The following SLC23A2 variants were observed in gnomAD, a reference collection of about 807,000 sequenced individuals.
SLC23A2 encodes the protein Na(+)/L-ascorbic acid transporter 2.
Under a neutral mutation model 73.3 loss-of-function variants are expected in SLC23A2, and 36 were observed. The ratio of observed to expected loss-of-function variants is 0.49; its 90% CI spans 0.38 to 0.65. SLC23A2 has a LOEUF of 0.65. Among genes scored for constraint, SLC23A2 ranks in the 30% least tolerant of loss-of-function variants. The probability of loss-of-function intolerance (pLI) is 0.00; values close to 1 mark genes in which losing one functional copy is unlikely to be tolerated. For synonymous variants in SLC23A2, 343 were observed against 327.3 expected, an observed-to-expected ratio of 1.05 and a Z score of -0.52; for missense variants, 507 against 841.6, an observed-to-expected ratio of 0.60 and a Z score of 4.92.
chr20:4,885,112 G>T (rs570989987), intron 7 of SLC23A2, among the ~76,000 whole-genome samples: 1 of 152,276 alleles, frequency 6.6e-6, no homozygotes, highest in East Asian at 1.9e-4. Context: ...ACCAACCTTT[G>T]CACACAGCTC....
At chr20:4,946,921 G>T (rs906838878) in intron 2 of SLC23A2, among the ~76,000 whole-genome samples, 1 of 152,170 alleles carries the variant, frequency 6.6e-6, no homozygotes, top group African/African-American at 2.4e-5. Flanking sequence ...AGATGCTACA[G>T]CGCCTACTGT....
chr20:4,914,606 C>A (rs758191091), intron 3 of SLC23A2, among the ~76,000 whole-genome samples: 9 of 151,880 alleles, frequency 5.9e-5, no homozygotes, highest in Non-Finnish European at 1.2e-4. Flanking sequence ...CTAGAAATAT[C>A]CATGCAGGTA....
intron 1 of SLC23A2, among the ~76,000 whole-genome samples, chr20:4,981,037 C>T (rs1455576259): frequency 6.6e-6 from 1 of 152,192 alleles, no homozygotes; most frequent in Admixed American, 6.5e-5. Context: ...TTAGTGGTCT[C>T]TATATGACAG....
At chr20:4,988,063 C>T (rs1040790388) in intron 1 of SLC23A2, among the ~76,000 whole-genome samples, 13 of 151,314 alleles carry the variant, frequency 8.6e-5, no homozygotes, top group Admixed American at 2.0e-4. Flanking sequence ...CTTTGGGAGG[C>T]CAAGGCAGAC....
intron 13 of SLC23A2, among the ~76,000 whole-genome samples, chr20:4,865,694 A>G (rs112592593): frequency 2.2e-3 from 334 of 152,156 alleles, no homozygotes; most frequent in Non-Finnish European, 3.6e-3. Context: ...GGGAACCTTG[A>G]ATTAGTTCCA....
chr20:5,002,383 T>C (rs2080948208), upstream of SLC23A2, among the ~76,000 whole-genome samples: 1 of 152,226 alleles, frequency 6.6e-6, no homozygotes, highest in South Asian at 2.1e-4. Flanking sequence ...TGCTGAAATC[T>C]GAATACAATT....
intron 2 of SLC23A2, 69 bp from the exon 3 acceptor site, chr20:4,932,785 T>C: frequency 2.1e-6 from 1 of 478,820 alleles, no homozygotes; most frequent in Admixed American, 3.7e-5. Context: ...AGTCACTGAG[T>C]TTCTTGCACA....
chr20:4,887,305 A>C (rs755091639), intron 6 of SLC23A2, among the ~76,000 whole-genome samples: 22 of 152,162 alleles, frequency 1.4e-4, no homozygotes, highest in Admixed American at 2.0e-4. Context: ...ATAAGCACAA[A>C]TTTTCAGGAC....
At chr20:4,875,153 TC>T in intron 9 of SLC23A2, among the ~76,000 whole-genome samples, 1 of 152,360 alleles carries the variant, frequency 6.6e-6, no homozygotes. Context: ...TCCAAAATTC[TC>T]CCAGGGATTC....
chr20:4,944,101 A>G (rs1416300298), intron 2 of SLC23A2, among the ~76,000 whole-genome samples: 1 of 152,238 alleles, frequency 6.6e-6, no homozygotes, highest in African/African-American at 2.4e-5. Context: ...CACTTGCTCT[A>G]TGTAAACACT....
intron 1 of SLC23A2, among the ~76,000 whole-genome samples, chr20:4,992,410 C>A (rs1249552637): frequency 6.6e-6 from 1 of 150,778 alleles, no homozygotes; most frequent in Admixed American, 6.6e-5. Flanking sequence ...CTAATTATAG[C>A]CAATTTTTTT....
At chr20:4,866,053 G>A (rs1369971688) in intron 13 of SLC23A2, among the ~76,000 whole-genome samples, 2 of 152,058 alleles carry the variant, frequency 1.3e-5, no homozygotes, top group Non-Finnish European at 2.9e-5. Flanking sequence ...GGCTGGTCTC[G>A]AACTCCTGAC....
intron 2 of SLC23A2, among the ~76,000 whole-genome samples, chr20:4,953,867 CGACA>C (rs1164615146): frequency 6.6e-6 from 1 of 151,830 alleles, no homozygotes; most frequent in Non-Finnish European, 1.5e-5. Context: ...CCAGCCTCAG[CGACA>C]GACAGAGACT....
intron 3 of SLC23A2, among the ~76,000 whole-genome samples, chr20:4,923,136 G>A (rs1287446157): frequency 6.6e-6 from 1 of 151,788 alleles, no homozygotes; most frequent in Non-Finnish European, 1.5e-5. Context: ...ACTGGGTGTG[G>A]TGGCTTATGC....
chr20:4,953,073 C>G (rs967853251), intron 2 of SLC23A2, among the ~76,000 whole-genome samples: 2 of 151,380 alleles, frequency 1.3e-5, no homozygotes, highest in Non-Finnish European at 2.9e-5. Flanking sequence ...TTTGGGAGGC[C>G]GAGGCAGGCG....
chr20:4,904,203 T>A (rs1289770377), intron 4 of SLC23A2, among the ~76,000 whole-genome samples: 4 of 152,164 alleles, frequency 2.6e-5, no homozygotes, highest in Non-Finnish European at 4.4e-5. Context: ...TGGTGAGTAA[T>A]TAAAGTTAGC....
At chr20:4,864,436 C>T (rs1930112929) in intron 13 of SLC23A2, among the ~76,000 whole-genome samples, 1 of 152,110 alleles carries the variant, frequency 6.6e-6, no homozygotes, top group Non-Finnish European at 1.5e-5. Context: ...CAGTCACTGT[C>T]TCACTGTCCC....
At chr20:4,944,825 T>TAAATCCAAAA (rs1323761262) in intron 2 of SLC23A2, among the ~76,000 whole-genome samples, 2 of 152,204 alleles carry the variant, frequency 1.3e-5, no homozygotes, top group African/African-American at 4.8e-5. Flanking sequence ...CATGGCTCTT[T>TAAATCCAAAA]GCTTAAATCC....
At chr20:4,972,627 G>A (rs932752634) in intron 1 of SLC23A2, among the ~76,000 whole-genome samples, 1 of 151,792 alleles carries the variant, frequency 6.6e-6, no homozygotes, top group Non-Finnish European at 1.5e-5. Flanking sequence ...CGCTCTATCA[G>A]CCAGGCTGGA....
Sources: gnomAD v4.1 joint callset for allele counts (sites outside exome capture counted in the v4.1 genomes callset) on GRCh38, gnomAD v4.1.1 for gene constraint, MANE v1.5 for transcripts, NCBI Gene and HGNC (gene_info 2026-07-23, HGNC 2026-07-21) for gene names.